Variants in RPS6KC1 observed in about 807,000 individuals in gnomAD.
RPS6KC1 encodes inactive ribosomal protein S6 kinase delta-1.
RPS6KC1 carries 54 observed loss-of-function variants against 103.8 expected under a neutral mutation model. The observed-to-expected ratio is 0.52, with a 90% CI of 0.42 to 0.65. The LOEUF is 0.65. Among genes scored for constraint, RPS6KC1 ranks in the 30% least tolerant of loss-of-function variants. The probability of loss-of-function intolerance (pLI) is 0.00; values close to 1 mark genes in which losing one functional copy is unlikely to be tolerated. For missense variants in RPS6KC1, 1,151 were observed against 1,253.8 expected, an observed-to-expected ratio of 0.92 and a Z score of 1.24; for synonymous variants, 439 against 438.7, an observed-to-expected ratio of 1.00 and a Z score of -0.01.
the RPS6KC1 span, among the ~76,000 whole-genome samples, chr1:213,417,063 G>A: frequency 6.6e-6 from 1 of 152,128 alleles, no homozygotes; most frequent in Non-Finnish European, 1.5e-5. Flanking sequence ...ATGTGATGTG[G>A]CACTTCCCAC....
the RPS6KC1 span, among the ~76,000 whole-genome samples, chr1:213,520,940 C>G: frequency 6.6e-6 from 1 of 152,226 alleles, no homozygotes; most frequent in African/African-American, 2.4e-5. Context: ...TCCATTCCTA[C>G]TCCCCAGAGT....
At chr1:213,155,772 T>C (rs1260658398) in intron 6 of RPS6KC1, among the ~76,000 whole-genome samples, 1 of 152,172 alleles carries the variant, frequency 6.6e-6, no homozygotes, top group South Asian at 2.1e-4. Context: ...TTTTTCTGTG[T>C]AGATAGTTGT....
chr1:213,483,791 C>T, the RPS6KC1 span, among the ~76,000 whole-genome samples: 1 of 152,220 alleles, frequency 6.6e-6, no homozygotes, highest in Non-Finnish European at 1.5e-5. Flanking sequence ...GAGTTATTGG[C>T]TTCAAACAAA....
At chr1:213,448,416 C>T in the RPS6KC1 span, among the ~76,000 whole-genome samples, 1 of 151,996 alleles carries the variant, frequency 6.6e-6, no homozygotes, top group African/African-American at 2.4e-5. Flanking sequence ...GATTCTTAGG[C>T]ACATGCAAGT....
chr1:213,467,342 A>C, the RPS6KC1 span, among the ~76,000 whole-genome samples: 675 of 152,344 alleles, frequency 4.4e-3, 4 homozygotes, highest in African/African-American at 0.016. Flanking sequence ...GCAATTATAG[A>C]AAATTGACTT....
chr1:213,684,645 T>C, the RPS6KC1 span, among the ~76,000 whole-genome samples: 1 of 152,196 alleles, frequency 6.6e-6, no homozygotes, highest in Non-Finnish European at 1.5e-5. Flanking sequence ...GAAAACATAA[T>C]CAGAGCTAGC....
chr1:213,379,639 A>G, the RPS6KC1 span, among the ~76,000 whole-genome samples: 2,759 of 152,272 alleles, frequency 0.018, 31 homozygotes, highest in Middle Eastern at 0.044. Context: ...GCAAACGCAT[A>G]CACCATTGTC....
chr1:213,359,140 A>C, the RPS6KC1 span, among the ~76,000 whole-genome samples: 2 of 152,054 alleles, frequency 1.3e-5, no homozygotes, highest in African/African-American at 2.4e-5. Flanking sequence ...TGATCTGTCT[A>C]ATGTTGACAG....
chr1:213,636,876 G>C, the RPS6KC1 span, among the ~76,000 whole-genome samples: 1 of 152,036 alleles, frequency 6.6e-6, no homozygotes, highest in Admixed American at 6.5e-5. Context: ...ATCTGACAAA[G>C]GGCTAATATC....
At chr1:213,209,288 G>A (rs1350312265) in intron 8 of RPS6KC1, among the ~76,000 whole-genome samples, 1 of 152,070 alleles carries the variant, frequency 6.6e-6, no homozygotes, top group South Asian at 2.1e-4. Context: ...ACTTATCTTT[G>A]ATAGTGTTAC....
At chr1:213,076,037 T>G (rs1558267020) in intron 2 of RPS6KC1, among the ~76,000 whole-genome samples, 2 of 152,228 alleles carry the variant, frequency 1.3e-5, no homozygotes, top group African/African-American at 4.8e-5. Context: ...GGCTTATTCT[T>G]CCTAACTAGA....
chr1:213,833,476 C>A, the RPS6KC1 span, among the ~76,000 whole-genome samples: 14 of 152,164 alleles, frequency 9.2e-5, no homozygotes, highest in Admixed American at 9.2e-4. Flanking sequence ...AAAGACCTCA[C>A]CCATGGATGA....
chr1:213,421,411 C>T, the RPS6KC1 span, among the ~76,000 whole-genome samples: 1 of 152,228 alleles, frequency 6.6e-6, no homozygotes, highest in African/African-American at 2.4e-5. Context: ...CTGCGCCCGG[C>T]CCTCCAATGT....
chr1:213,697,562 C>T, the RPS6KC1 span, among the ~76,000 whole-genome samples: 1 of 152,230 alleles, frequency 6.6e-6, no homozygotes, highest in East Asian at 1.9e-4. Flanking sequence ...CCTTCTCCAG[C>T]TACTTGAGAA....
the RPS6KC1 span, among the ~76,000 whole-genome samples, chr1:213,307,034 C>T: frequency 6.6e-6 from 1 of 150,684 alleles, no homozygotes. Flanking sequence ...CTGTCTTTCA[C>T]ATGCACTCCC....
chr1:213,624,137 A>C, the RPS6KC1 span, among the ~76,000 whole-genome samples: 1 of 152,154 alleles, frequency 6.6e-6, no homozygotes, highest in Non-Finnish European at 1.5e-5. Flanking sequence ...CTGGATATAG[A>C]TGCTGAGAGG....
chr1:213,296,308 G>A, the RPS6KC1 span, among the ~76,000 whole-genome samples: 1 of 152,200 alleles, frequency 6.6e-6, no homozygotes, highest in Non-Finnish European at 1.5e-5. Context: ...AGAGCCCTGA[G>A]TTAAGAAACA....
chr1:213,453,840 A>AG, the RPS6KC1 span, among the ~76,000 whole-genome samples: 1 of 152,218 alleles, frequency 6.6e-6, no homozygotes, highest in South Asian at 2.1e-4. Flanking sequence ...TGAACAACAC[A>AG]GGTCCAGGTC....
the RPS6KC1 span, among the ~76,000 whole-genome samples, chr1:213,520,169 A>AAG: frequency 1.3e-5 from 2 of 152,110 alleles, no homozygotes. Flanking sequence ...GCTGCTGATA[A>AAG]AGACATGTCT....
Sources: allele counts gnomAD v4.1 joint callset (sites outside exome capture counted in the v4.1 genomes callset), GRCh38; gene constraint gnomAD v4.1.1; transcripts MANE v1.5; gene names NCBI Gene and HGNC (gene_info 2026-07-23, HGNC 2026-07-21).